Variants in FAM149B1 observed in about 807,000 individuals in gnomAD.
FAM149B1 encodes family with sequence similarity 149 member B1.
FAM149B1 carries 56 observed loss-of-function variants against 75.3 expected under a neutral mutation model. That is an observed-to-expected ratio of 0.74 (90% CI 0.60 to 0.93). The LOEUF (loss-of-function observed/expected upper bound fraction) is 0.93. Among genes scored for constraint, FAM149B1 ranks in the 40% least tolerant of loss-of-function variants. The pLI, the probability that FAM149B1 is intolerant of heterozygous loss-of-function variation, is 0.00. For missense variants in FAM149B1, 639 were observed against 708.4 expected (o/e 0.90, Z 1.11); for synonymous variants, 259 against 256.1 (o/e 1.01, Z -0.11).
At chr10:73,213,424 T>G (rs1015603810) in intron 7 of FAM149B1, among the ~76,000 whole-genome samples, 3 of 152,184 alleles carry the variant, frequency 2.0e-5, no homozygotes, top group African/African-American at 7.2e-5. Flanking sequence ...GAAGACTTTT[T>G]CCTAGGTTTT....
At chr10:73,190,997 G>T (rs149827596) in intron 3 of FAM149B1, among the ~76,000 whole-genome samples, 1 of 152,240 alleles carries the variant, frequency 6.6e-6, no homozygotes, top group African/African-American at 2.4e-5. Flanking sequence ...GAGATTACAG[G>T]TGTGAACCTC....
chr10:73,191,446 C>G (rs2042682006), intron 3 of FAM149B1, among the ~76,000 whole-genome samples: 1 of 151,922 alleles, frequency 6.6e-6, no homozygotes, highest in Non-Finnish European at 1.5e-5. Context: ...AGGCGATTCT[C>G]CTGCCTCAGC....
At chr10:73,229,456 T>G (rs79285866) in intron 8 of FAM149B1, among the ~76,000 whole-genome samples, 1 of 152,214 alleles carries the variant, frequency 6.6e-6, no homozygotes, top group Non-Finnish European at 1.5e-5. Flanking sequence ...GCACCTGTAG[T>G]GCCAGCTACT....
In FAM149B1 at chr10:73,242,204, G is replaced by A. The variant is rs963962055; in HGVS notation, c.*1185G>A. On this transcript the variant is annotated 3_prime_UTR_variant, in exon 14 of 14. Coordinates refer to ENST00000242505, the MANE Select transcript of FAM149B1 (RefSeq NM_173348.2). ...CTATTTGTAGTCACAAACCGAAAAC[G>A]TGTCGTCTTTACCTTAGAGCTAAAG... 1.1e-4 allele frequency: 16 copies of A among 152,032 alleles called. No individual in the cohort carries two copies. Among genetic ancestry groups the A allele is most frequent in the Admixed American group, 7.9e-4 (12 of 15,264 alleles). The allele number at this position is 152,032 out of a possible 1,614,324, so 9.4% of individuals were successfully genotyped here.
intron 12 of FAM149B1, among the ~76,000 whole-genome samples, chr10:73,237,947 GTCTTC>G (rs1454525049): frequency 1.3e-5 from 2 of 152,006 alleles, no homozygotes; most frequent in African/African-American, 2.4e-5. Context: ...AAATGTTTCA[GTCTTC>G]TCTTTAAGTT....
Position 73,168,395 on chromosome 10 carries a change from A to G in FAM149B1, c.47+9A>G, listed in dbSNP as rs1368758118. The G allele has an allele frequency of 6.5e-7, 1 of 1,549,504 alleles. No homozygotes were observed. The highest frequency in any genetic ancestry group is 2.0e-5 in the Admixed American group (1 of 50,984). On this transcript the variant is annotated intron_variant, in intron 1 of 13. Coordinates refer to ENST00000242505, the MANE Select transcript of FAM149B1 (RefSeq NM_173348.2). ...CCACAGAGCTTGGAGCTGTGAGTGGACTGCTCAGCCACCCCAGCCGGGGCG... is the reference window on the plus strand; with the variant it reads ...CCACAGAGCTTGGAGCTGTGAGTGGGCTGCTCAGCCACCCCAGCCGGGGCG...
intron 3 of FAM149B1, among the ~76,000 whole-genome samples, chr10:73,179,102 C>T (rs1481032941): frequency 6.6e-6 from 1 of 152,018 alleles, no homozygotes; most frequent in Non-Finnish European, 1.5e-5. Context: ...GTAGCTAGGA[C>T]TATAAGCGTG....
chr10:73,222,318 C>G (rs769345126), intron 7 of FAM149B1, among the ~76,000 whole-genome samples: 3 of 152,170 alleles, frequency 2.0e-5, no homozygotes, highest in Non-Finnish European at 4.4e-5. Context: ...GAGGCAAGAT[C>G]TTATTCTGCC....
intron 3 of FAM149B1, among the ~76,000 whole-genome samples, chr10:73,181,075 C>T (rs919015375): frequency 1.3e-5 from 2 of 150,790 alleles, no homozygotes; most frequent in South Asian, 2.1e-4. Context: ...GGCACGATCT[C>T]GGCTCACTGC....
chr10:73,179,071 T>C (rs1197577261), intron 3 of FAM149B1, among the ~76,000 whole-genome samples: 2 of 152,130 alleles, frequency 1.3e-5, no homozygotes, highest in African/African-American at 4.8e-5. Context: ...TTCAAGCTAT[T>C]CTCCTGCCTC....
intron 12 of FAM149B1, among the ~76,000 whole-genome samples, chr10:73,237,004 T>A (rs1026514231): frequency 6.6e-6 from 1 of 151,936 alleles, no homozygotes; most frequent in African/African-American, 2.4e-5. Flanking sequence ...ATGAGCCACA[T>A]GCCCAGCCTG....
At chr10:73,202,456 CT>C (rs201961924) in intron 5 of FAM149B1, among the ~76,000 whole-genome samples, 23,216 of 145,208 alleles carry the variant, frequency 0.16, 2,831 homozygotes, top group African/African-American at 0.33. Flanking sequence ...TGTTTGATAG[CT>C]TTTTTTTTTT....
intron 12 of FAM149B1, among the ~76,000 whole-genome samples, chr10:73,238,486 G>A (rs1185576290): frequency 1.3e-5 from 2 of 152,218 alleles, no homozygotes; most frequent in East Asian, 1.9e-4. Flanking sequence ...GCCTTGTTTT[G>A]TAAATAAACT....
Position 73,242,679 on chromosome 10 carries a change from A to G in FAM149B1, c.*1660A>G, listed in dbSNP as rs1335679056. On this transcript the variant is annotated 3_prime_UTR_variant, in exon 14 of 14. Coordinates refer to ENST00000242505, the MANE Select transcript of FAM149B1 (RefSeq NM_173348.2). The stretch of plus-strand genomic sequence containing the variant: ...CAGTAATCAGTGGCAGGACTACAAC[A>G]TACATCTCTTCATGCTAGGGAAACC... 2.6e-5 allele frequency: 4 copies of G among 152,234 alleles called. No homozygotes were observed. The highest frequency in any genetic ancestry group is 9.6e-5 in the African/African-American group (4 of 41,452). 9.4% of individuals were successfully genotyped at this position (152,234 alleles called of 1,614,324 possible). A position where few individuals can be genotyped will look rare whatever the true frequency, so the allele number is the denominator to read the frequency against.
At chr10:73,190,930 G>A (rs1486683965) in intron 3 of FAM149B1, among the ~76,000 whole-genome samples, 1 of 151,934 alleles carries the variant, frequency 6.6e-6, no homozygotes, top group Non-Finnish European at 1.5e-5. Context: ...TGTTGCCCAG[G>A]CTGGTCTCAA....
intron 3 of FAM149B1, among the ~76,000 whole-genome samples, chr10:73,191,373 G>A (rs1226438264): frequency 5.3e-5 from 6 of 112,602 alleles, no homozygotes; most frequent in Non-Finnish European, 1.1e-4. Flanking sequence ...TTTCATTCTT[G>A]TTGCCCAGGC....
intron 12 of FAM149B1, 70 bp downstream of exon 12, chr10:73,235,388 G>A: frequency 6.5e-7 from 1 of 1,539,502 alleles, no homozygotes; most frequent in Admixed American, 2.0e-5. Flanking sequence ...ATAATAGTTT[G>A]GCAGACTTAA....
chr10:73,168,333 G>A lies in FAM149B1; in HGVS notation c.-7G>A. ...TGAGGAGGAGGAGGAGGAGGAGGAGGAGGAGGATGATCTCCAGATACACTC... is the reference window on the plus strand; with the variant it reads ...TGAGGAGGAGGAGGAGGAGGAGGAGAAGGAGGATGATCTCCAGATACACTC... On this transcript the variant is annotated 5_prime_UTR_variant, in exon 1 of 14. Coordinates refer to ENST00000242505, the MANE Select transcript of FAM149B1 (RefSeq NM_173348.2). 3 of 1,549,660 alleles carry A rather than the reference G, an allele frequency of 1.9e-6. No homozygotes were observed. Among genetic ancestry groups the A allele is most frequent in the African/African-American group, 1.4e-5 (1 of 72,956 alleles).
chr10:73,202,992 G>A (rs1311204072), intron 5 of FAM149B1, among the ~76,000 whole-genome samples: 2 of 152,174 alleles, frequency 1.3e-5, no homozygotes, highest in Non-Finnish European at 2.9e-5. Context: ...CATAAGAGAA[G>A]TTTACTTCTT....
Sources: allele counts gnomAD v4.1 joint callset (sites outside exome capture counted in the v4.1 genomes callset), GRCh38; gene constraint gnomAD v4.1.1; transcripts MANE v1.5; gene names NCBI Gene and HGNC (gene_info 2026-07-23, HGNC 2026-07-21).